The following MAPK8IP2 variants were observed in gnomAD, a reference collection of about 807,000 sequenced individuals.
MAPK8IP2 encodes C-Jun-amino-terminal kinase-interacting protein 2.
MAPK8IP2 carries 15 observed loss-of-function variants against 75.6 expected under a neutral mutation model. The observed-to-expected ratio is 0.20, with a 90% CI of 0.13 to 0.31. MAPK8IP2 has a LOEUF of 0.31. Among genes scored for constraint, MAPK8IP2 ranks in the 10% least tolerant of loss-of-function variants. The pLI, the probability that MAPK8IP2 is intolerant of heterozygous loss-of-function variation, is 1.00. For missense variants in MAPK8IP2, 1,089 were observed against 1,211.2 expected, an observed-to-expected ratio of 0.90 and a Z score of 1.50; for synonymous variants, 632 against 554.5, an observed-to-expected ratio of 1.14 and a Z score of -1.96.
rs1471513836 is a variant in MAPK8IP2 at position 50,604,545 on chromosome 22, G to A, written c.1246G>A (p.Ala416Thr). 3.1e-5 allele frequency: 36 copies of A among 1,152,262 alleles called. No homozygotes were observed. The highest frequency in any genetic ancestry group is 4.1e-5 in the South Asian group (1 of 24,124). 71.4% of individuals were successfully genotyped at this position (1,152,262 alleles called of 1,614,324 possible). A position where few individuals can be genotyped will look rare whatever the true frequency, so the allele number is the denominator to read the frequency against. ...GCTGGTGGACATGGAGACGCTGTGC[G>A]CGCCGCCGCCGCCCGCGCCCGCCGC... Reference protein sequence around the residue: ...VELVDMETLCAPPPPAPAAPR... With the variant: ...VELVDMETLCTPPPPAPAAPR... The change falls in exon 5 of 12, where the codon GCG becomes ACG. Residue 416 changes from alanine (A) to threonine (T), a missense_variant. Physicochemically the swap from Ala to Thr is moderately conservative, Grantham distance 58. Around this residue, in one of 2 missense-constraint regions of MAPK8IP2, gnomAD observed 960 missense variants for 1,009.6 expected, o/e 0.95. Coordinates refer to ENST00000329492, the MANE Select transcript of MAPK8IP2 (RefSeq NM_012324.6).
chr22:50,601,611 G>A (rs1361242513), intron 1 of MAPK8IP2, among the ~76,000 whole-genome samples, 178 bp from the exon 2 acceptor site: 1 of 152,162 alleles, frequency 6.6e-6, no homozygotes, highest in Non-Finnish European at 1.5e-5. Context: ...ATGGGGGAGG[G>A]GATCCACAGG....
At chr22:50,601,755 G>A (rs2070942227) in intron 1 of MAPK8IP2, 34 bp from the exon 2 acceptor site, 1 of 1,563,998 alleles carries the variant, frequency 6.4e-7, no homozygotes, top group East Asian at 2.2e-5. Flanking sequence ...GGAGTCCAGG[G>A]TTGGTGGCTC....
At position 50,610,479 on chromosome 22, in the gene MAPK8IP2, T is replaced by C. The variant is rs543322615; in HGVS notation, c.2402+169T>C. ...GGGTGACAGTTTGGGGTGCTGGGCA[T>C]GGGGTGGGAACAGGCACAGACACAT... On this transcript the variant is annotated intron_variant, in intron 11 of 11. Coordinates refer to ENST00000329492, the MANE Select transcript of MAPK8IP2 (RefSeq NM_012324.6). The surrounding 1 kb of genome is among the most constrained non-coding windows in gnomAD (Gnocchi z 4.3). Among the ~76,000 whole-genome samples, 1 of 150,746 alleles carries C rather than the reference T, an allele frequency of 6.6e-6. No individual in the cohort carries two copies. The highest frequency in any genetic ancestry group is 2.1e-4 in the South Asian group (1 of 4,750).
rs1192456692 is a variant in MAPK8IP2 at position 50,603,358 on chromosome 22, G to A, written c.307G>A (p.Glu103Lys). The change falls in exon 3 of 12, where the codon GAG becomes AAG. Residue 103 changes from glutamate to lysine, a missense_variant. Transcript: ENST00000329492. Reference protein sequence around the residue: ...EDEEEEEEEEEGDGEGQEGGD... With the variant: ...EDEEEEEEEEKGDGEGQEGGD... ...CGAGGAAGAGGAGGAGGAGGAGGAGGAGGGAGATGGGGAAGGCCAGGAGGG... is the reference window on the plus strand; with the variant it reads ...CGAGGAAGAGGAGGAGGAGGAGGAGAAGGGAGATGGGGAAGGCCAGGAGGG... The A allele has an allele frequency of 1.9e-6, 3 of 1,554,988 alleles. No homozygotes were observed. The highest frequency in any genetic ancestry group is 2.7e-5 in the African/African-American group (2 of 73,544).
At chr22:50,601,196 C>A (rs1029904077) in intron 1 of MAPK8IP2, 2 of 155,492 alleles carry the variant, frequency 1.3e-5, no homozygotes, top group African/African-American at 2.4e-5. Flanking sequence ...GGGGAGGATG[C>A]GGGCGGGATG....
Position 50,605,821 on chromosome 22 carries a change from C to A in MAPK8IP2, c.2015-4C>A, listed in dbSNP as rs758860751. 1 of 1,590,230 alleles carries A rather than the reference C, an allele frequency of 6.3e-7. No individual in the cohort carries two copies. The highest frequency in any genetic ancestry group is 2.3e-5 in the East Asian group (1 of 43,622). On this transcript the variant is annotated splice_polypyrimidine_tract_variant and splice_region_variant and intron_variant, in intron 7 of 11. Transcript: ENST00000329492. Reference sequence around the variant, plus strand: ...ACCTGGGCCCTCTGTGCCCCGCTCCCCAGGGAGTAAGCGGAGCCCCTGCTG... The same window carrying A: ...ACCTGGGCCCTCTGTGCCCCGCTCCACAGGGAGTAAGCGGAGCCCCTGCTG...
chr22:50,603,689 C>G lies in MAPK8IP2; in HGVS notation c.511C>G (p.Leu171Val). ...VRPASWQETA[L>V]CSPAPEALRE... ...TCCGGCCTCCTGGCAGGAGACAGCG[C>G]TATGCTCACCCGCCCCGGAGGCCCT... Residue 171 changes from leucine (L) to valine (V), a missense_variant, in exon 4 of 12, where the codon CTA (leucine) becomes GTA (valine). By Grantham distance (32) the Leu-to-Val change is conservative. Transcript: ENST00000329492. 1 of 1,583,628 alleles carries G rather than the reference C, an allele frequency of 6.3e-7. No homozygotes were observed. Among genetic ancestry groups the G allele is most frequent in the Non-Finnish European group, 8.6e-7 (1 of 1,165,188 alleles).
At chr22:50,608,836 C>G (rs1382100249) in intron 10 of MAPK8IP2, among the ~76,000 whole-genome samples, 1 of 149,182 alleles carries the variant, frequency 6.7e-6, no homozygotes. Flanking sequence ...GGGGCGCAGA[C>G]CAGACAGTGG....
At chr22:50,608,849 A>G (rs1016114752) in intron 10 of MAPK8IP2, among the ~76,000 whole-genome samples, 1 of 139,106 alleles carries the variant, frequency 7.2e-6, no homozygotes, top group Non-Finnish European at 1.6e-5. Flanking sequence ...GACAGTGGGG[A>G]CAGCTCTGGG....
Position 50,612,898 on chromosome 22 carries a change from G to T in MAPK8IP2, c.*2119G>T, listed in dbSNP as rs1418245811. ...GCCCGGCCTGGCCCCGCCCCTGCCCGGCCCCGCCCCCCAACGTGTCTTCAG... is the reference window on the plus strand; with the variant it reads ...GCCCGGCCTGGCCCCGCCCCTGCCCTGCCCCGCCCCCCAACGTGTCTTCAG... On this transcript the variant is annotated 3_prime_UTR_variant, in exon 12 of 12. Coordinates refer to ENST00000329492, the MANE Select transcript of MAPK8IP2 (RefSeq NM_012324.6). 1.8e-5 allele frequency: 1 copy of T among 55,814 alleles called. No homozygotes were observed. Among genetic ancestry groups the T allele is most frequent in the East Asian group, 6.7e-4 (1 of 1,500 alleles). The allele number at this position is 55,814 out of a possible 1,614,324, so 3.5% of individuals were successfully genotyped here.
At position 50,603,631 on chromosome 22, in the gene MAPK8IP2, C is replaced by T. The variant is rs1416387268; in HGVS notation, c.453C>T (p.Ser151=). The T allele has an allele frequency of 1.9e-6, 3 of 1,594,386 alleles. No homozygotes were observed. Among genetic ancestry groups the T allele is most frequent in the Admixed American group, 1.7e-5 (1 of 57,720 alleles). Residue 151 remains serine (S), a synonymous_variant, in exon 4 of 12, where the codon TCC becomes TCT. Coordinates refer to ENST00000329492, the MANE Select transcript of MAPK8IP2 (RefSeq NM_012324.6). ...LRLTTLGAQD[S]LNNNGGFDLV... ...GTCATGTATCTCCACCCCAGGACTCCCTAAACAACAACGGAGGCTTTGACC... is the reference window on the plus strand; with the variant it reads ...GTCATGTATCTCCACCCCAGGACTCTCTAAACAACAACGGAGGCTTTGACC...
rs1424439283 is a variant in MAPK8IP2, at chr22:50,603,242, G to T, written c.191G>T (p.Arg64Leu). Residue 64 changes from arginine to leucine, a missense_variant, in exon 3 of 12, where the codon CGC becomes CTC. Physicochemically the swap from Arg to Leu is moderately radical, Grantham distance 102. This residue lies in a region of MAPK8IP2 where 960 missense variants were observed against 1,009.6 expected (regional missense o/e 0.95). Coordinates refer to ENST00000329492, the MANE Select transcript of MAPK8IP2 (RefSeq NM_012324.6). ...CTGCAGGACAGCCTCTCCCTGGGGCGCTCGGAGCAGCCGCACCCCATCTGC... is the reference window on the plus strand; with the variant it reads ...CTGCAGGACAGCCTCTCCCTGGGGCTCTCGGAGCAGCCGCACCCCATCTGC... ...HCEKDSLSLGRSEQPHPICSF... is the reference protein window; with the variant it reads ...HCEKDSLSLGLSEQPHPICSF... 3.1e-6 allele frequency: 5 copies of T among 1,607,490 alleles called. No homozygotes were observed. The highest frequency in any genetic ancestry group is 2.2e-5 in the East Asian group (1 of 44,738).
chr22:50,606,539 C>T lies in MAPK8IP2; in HGVS notation c.2125-119C>T, dbSNP rs564328689. The T allele has an allele frequency of 3.0e-4, 225 of 744,400 alleles. No individual in the cohort carries two copies. The African/African-American group carries it at 3.3e-3, about 11-fold the overall frequency. The allele number at this position is 744,400 out of a possible 1,614,324, so 46.1% of individuals were successfully genotyped here. A position where few individuals can be genotyped will look rare whatever the true frequency, so the allele number is the denominator to read the frequency against. On this transcript the variant is annotated intron_variant, in intron 8 of 11. Coordinates refer to ENST00000329492, the MANE Select transcript of MAPK8IP2 (RefSeq NM_012324.6). The stretch of plus-strand genomic sequence containing the variant: ...GTCTTCCAGAATTGCATCTCAGGGT[C>T]CTCAGCATGTGTGTCCTCAAACATA...
chr22:50,605,536 C>A (rs1313518878), intron 6 of MAPK8IP2, 26 bp from the exon 7 acceptor site: 4 of 1,184,736 alleles, frequency 3.4e-6, no homozygotes, highest in Non-Finnish European at 4.8e-6. Context: ...CGCCCCCCTC[C>A]CCAGTGACCT....
rs916005 is a variant in MAPK8IP2 at position 50,605,815 on chromosome 22, C to T, written c.2015-10C>T. 57,469 of 1,589,844 alleles carry T rather than the reference C, an allele frequency of 0.036. 1,219 individuals carry two copies. The highest frequency in any genetic ancestry group is 0.04 in the Non-Finnish European group (46,252 of 1,169,156). ...TGCCTGACCTGGGCCCTCTGTGCCC[C>T]GCTCCCCAGGGAGTAAGCGGAGCCC... On this transcript the variant is annotated splice_polypyrimidine_tract_variant and intron_variant, in intron 7 of 11. Transcript: ENST00000329492.
chr22:50,604,771 G>A lies in MAPK8IP2; in HGVS notation c.1472G>A (p.Gly491Asp). The change falls in exon 5 of 12, where the codon GGC becomes GAC. Residue 491 changes from glycine to aspartate, a missense_variant. Gly to Asp is a moderately conservative substitution (Grantham distance 94, BLOSUM62 -1). Around this residue, in one of 2 missense-constraint regions of MAPK8IP2, gnomAD observed 960 missense variants for 1,009.6 expected, o/e 0.95. Transcript: ENST00000329492. ...DAEDSAGSPG[G>D]RGTGPSAPRD... is the part of the protein sequence containing the mutation. ...GAGGACAGTGCGGGGTCCCCCGGGG[G>A]CAGGGGCACGGGCCCCTCGGCGCCG... 6.5e-7 allele frequency: 1 copy of A among 1,544,738 alleles called. No individual in the cohort carries two copies.
chr22:50,601,476 CT>C, intron 1 of MAPK8IP2: 4 of 312,398 alleles, frequency 1.3e-5, no homozygotes, highest in South Asian at 8.6e-5. Context: ...CTCCCCTGCT[CT>C]GCAAGACCCT....
Position 50,604,543 on chromosome 22 carries a change from G to T in MAPK8IP2, c.1244G>T (p.Cys415Phe). The T allele has an allele frequency of 8.7e-7, 1 of 1,151,084 alleles. No homozygotes were observed. The highest frequency in any genetic ancestry group is 4.9e-5 in the Admixed American group (1 of 20,482). 71.3% of individuals were successfully genotyped at this position (1,151,084 alleles called of 1,614,324 possible). The change falls in exon 5 of 12, where the codon TGC (cysteine) becomes TTC (phenylalanine). Residue 415 changes from cysteine (C) to phenylalanine (F), a missense_variant. Around this residue, in one of 2 missense-constraint regions of MAPK8IP2, gnomAD observed 960 missense variants for 1,009.6 expected, o/e 0.95. Coordinates refer to ENST00000329492, the MANE Select transcript of MAPK8IP2 (RefSeq NM_012324.6). ...GVELVDMETL[C>F]APPPPAPAAP... ...GAGCTGGTGGACATGGAGACGCTGTGCGCGCCGCCGCCGCCCGCGCCCGCC... is the reference window on the plus strand; with the variant it reads ...GAGCTGGTGGACATGGAGACGCTGTTCGCGCCGCCGCCGCCCGCGCCCGCC...
chr22:50,608,721 A>AGGGG, intron 10 of MAPK8IP2, among the ~76,000 whole-genome samples: 1 of 129,094 alleles, frequency 7.7e-6, no homozygotes, highest in African/African-American at 3.0e-5. Flanking sequence ...GACAGTGGGC[A>AGGGG]CGGGCGCAGA....
Sources: allele counts gnomAD v4.1 joint callset (sites outside exome capture counted in the v4.1 genomes callset), GRCh38; gene constraint gnomAD v4.1.1; regional missense constraint gnomAD v4.1.1; non-coding constraint Gnocchi (gnomAD v3.1); transcripts MANE v1.5; gene names NCBI Gene and HGNC (gene_info 2026-07-23, HGNC 2026-07-21).